The following TMEM63A variants were observed in gnomAD, a reference collection of about 807,000 sequenced individuals.
TMEM63A encodes transmembrane protein 63A.
A neutral mutation model predicts 100.6 loss-of-function variants in TMEM63A; 76 were observed. The observed-to-expected ratio is 0.76, with a 90% CI of 0.63 to 0.91. The LOEUF is 0.91. TMEM63A is among the 40% of genes least tolerant of loss of function. The pLI is 0.00. For synonymous variants in TMEM63A, 401 were observed against 401.1 expected, an observed-to-expected ratio of 1.00 and a Z score of 0.00; for missense variants, 876 against 1,008.8, an observed-to-expected ratio of 0.87 and a Z score of 1.78.
chr1:225,849,003 G>A lies in TMEM63A; in HGVS notation c.2081C>T (p.Ala694Val). Residue 694 changes from alanine to valine, a missense_variant, in exon 22 of 25, where the codon GCC becomes GTC. By Grantham distance (64) the Ala-to-Val change is moderately conservative. This residue lies in a region of TMEM63A where 339 missense variants were observed against 342.3 expected (regional missense o/e 0.99). Coordinates refer to ENST00000366835, the MANE Select transcript of TMEM63A (RefSeq NM_014698.3). ...FFSFLRLGMK[A>V]PATLFTFLVL... ...CAGGAAGGTGAACAGAGTGGCGGGG[G>A]CCTTCATACCTGGTGATAGAGGGTG... 6.8e-7 allele frequency: 1 copy of A among 1,473,210 alleles called. No homozygotes were observed. The allele number at this position is 1,473,210 out of a possible 1,614,324, so 91.3% of individuals were successfully genotyped here. A position where few individuals can be genotyped will look rare whatever the true frequency, so the allele number is the denominator to read the frequency against.
intron 5 of TMEM63A, chr1:225,871,768 G>T (rs1372118787): frequency 3.7e-6 from 2 of 540,964 alleles, no homozygotes. Context: ...AAGGGATTCC[G>T]TACCCCTTCC....
Position 225,864,649 on chromosome 1 carries a change from T to C in TMEM63A, c.746+1248A>G, listed in dbSNP as rs751791521. On this transcript the variant is annotated intron_variant, in intron 10 of 24. Coordinates refer to ENST00000366835, the MANE Select transcript of TMEM63A (RefSeq NM_014698.3). Reference sequence around the variant, plus strand: ...GATTCTGGTATTGAGTATTTACATATTAGTAAATATTTCTAAAATACTTAG... The same window carrying C: ...GATTCTGGTATTGAGTATTTACATACTAGTAAATATTTCTAAAATACTTAG... 6 of 152,366 alleles carry C rather than the reference T, an allele frequency of 3.9e-5. No individual in the cohort carries two copies. In the East Asian group the frequency reaches 9.6e-4, roughly 24 times the overall value. The allele number at this position is 152,366 out of a possible 1,614,324, so 9.4% of individuals were successfully genotyped here. A position where few individuals can be genotyped will look rare whatever the true frequency, so the allele number is the denominator to read the frequency against.
chr1:225,859,552 G>A, intron 14 of TMEM63A: 2 of 637,314 alleles, frequency 3.1e-6, no homozygotes, highest in Non-Finnish European at 2.6e-6. Flanking sequence ...TGGCTCCCCA[G>A]CTAAAGTCTG....
chr1:225,863,513 G>C (rs1377669480), intron 10 of TMEM63A, among the ~76,000 whole-genome samples: 2 of 152,236 alleles, frequency 1.3e-5, no homozygotes, highest in South Asian at 2.1e-4. Flanking sequence ...TATCTACCTT[G>C]AGCCATCACT....
chr1:225,843,608 C>G (rs1255170731), downstream of TMEM63A, among the ~76,000 whole-genome samples: 1 of 152,198 alleles, frequency 6.6e-6, no homozygotes, highest in African/African-American at 2.4e-5. Flanking sequence ...ACCAGACTAT[C>G]CCACTAGGCC....
chr1:225,868,008 A>G lies in TMEM63A; in HGVS notation c.394T>C (p.Cys132Arg). 6.2e-7 allele frequency: 1 copy of G among 1,614,102 alleles called. No homozygotes were observed. Among genetic ancestry groups the G allele is most frequent in the Non-Finnish European group, 8.5e-7 (1 of 1,180,012 alleles). ...AGGTAGTGGATGGCGTCCTCCCCAC[A>G]CCATTCCAGGATCTGGTCATCACTG... ...RLHDDQILEW[C>R]GEDAIHYLSF... The change falls in exon 7 of 25, where the codon TGT (cysteine) becomes CGT (arginine). Residue 132 changes from cysteine (C) to arginine (R), a missense_variant. Physicochemically the swap from Cys to Arg is radical, Grantham distance 180 (BLOSUM62 -3). Transcript: ENST00000366835.
chr1:225,858,631 T>C (rs990106885), intron 15 of TMEM63A, among the ~76,000 whole-genome samples: 26 of 152,216 alleles, frequency 1.7e-4, no homozygotes, highest in Non-Finnish European at 3.4e-4. Context: ...GGCCCCAAAA[T>C]AGTTTTATAA....
rs1670171503 is a variant in TMEM63A at position 225,865,764 on chromosome 1, G to T, written c.746+133C>A. 5.7e-6 allele frequency: 5 copies of T among 870,052 alleles called. No individual in the cohort carries two copies. Among genetic ancestry groups the T allele is most frequent in the African/African-American group, 1.7e-5 (1 of 59,860 alleles). 53.9% of individuals were successfully genotyped at this position (870,052 alleles called of 1,614,324 possible). ...CTCCATACACGTGTGGCAGGGCCAG[G>T]TCCTTCTCAGATCTCACCTGGATAC... On this transcript the variant is annotated intron_variant, in intron 10 of 24. Coordinates refer to ENST00000366835, the MANE Select transcript of TMEM63A (RefSeq NM_014698.3). The surrounding 1 kb of genome is among the most constrained non-coding windows in gnomAD (Gnocchi z 4.6).
At chr1:225,857,733 A>G (rs887425856) in intron 15 of TMEM63A, among the ~76,000 whole-genome samples, 3 of 152,232 alleles carry the variant, frequency 2.0e-5, no homozygotes, top group African/African-American at 7.2e-5. Flanking sequence ...TTTACTTTAA[A>G]GAAACCAACA....
Position 225,847,078 on chromosome 1 carries a change from C to T in TMEM63A, c.2386G>A (p.Ala796Thr), listed in dbSNP as rs754876677. The stretch of plus-strand genomic sequence containing the variant: ...GGGGCAGCAGCCACACTGCCCGTGG[C>T]GCTCTGCGCCAAGCACTGTCCAGGG... Reference protein sequence around the residue: ...TIPGQCLAQSATGSVAAAPQE... With the variant: ...TIPGQCLAQSTTGSVAAAPQE... Residue 796 changes from alanine (A) to threonine (T), a missense_variant, in exon 24 of 25, where the codon GCC (alanine) becomes ACC (threonine). Around this residue, in one of 5 missense-constraint regions of TMEM63A, gnomAD observed 339 missense variants for 342.3 expected, o/e 0.99. Transcript: ENST00000366835. The T allele has an allele frequency of 2.7e-5, 44 of 1,613,350 alleles. 1 individual carries two copies. Among genetic ancestry groups the T allele is most frequent in the Middle Eastern group, 3.3e-4 (2 of 6,022 alleles).
At chr1:225,848,667 A>G in intron 22 of TMEM63A, 113 bp from the exon 23 acceptor site, 1 of 1,177,712 alleles carries the variant, frequency 8.5e-7, no homozygotes, top group Non-Finnish European at 1.2e-6. Flanking sequence ...GCTGGCACCA[A>G]GCTCCCCAGC....
intron 16 of TMEM63A, 34 bp from the exon 17 acceptor site, chr1:225,856,772 C>T: frequency 6.2e-7 from 1 of 1,604,344 alleles, no homozygotes; most frequent in Non-Finnish European, 8.5e-7. Context: ...CTCGCAGTCC[C>T]CCAAATGCTC....
downstream of TMEM63A, chr1:225,842,485 G>A (rs1481910006): frequency 6.3e-6 from 10 of 1,588,128 alleles, no homozygotes; most frequent in African/African-American, 1.3e-5. Flanking sequence ...GTGAGGCCCT[G>A]GTTTGCCCCT....
chr1:225,864,795 A>G (rs1018978724), intron 10 of TMEM63A: 1 of 152,254 alleles, frequency 6.6e-6, no homozygotes, highest in African/African-American at 2.4e-5. Context: ...CTCCTAGTCC[A>G]TGCAACAAAT....
chr1:225,846,928 G>C lies in TMEM63A; in HGVS notation c.*11C>G, dbSNP rs1054687401. 2 of 1,310,910 alleles carry C rather than the reference G, an allele frequency of 1.5e-6. No homozygotes were observed. The highest frequency in any genetic ancestry group is 3.0e-5 in the African/African-American group (2 of 67,488). The allele number at this position is 1,310,910 out of a possible 1,614,324, so 81.2% of individuals were successfully genotyped here. On this transcript the variant is annotated 3_prime_UTR_variant, in exon 25 of 25. Transcript: ENST00000366835. ...TCTGGTTGTGTCTTTTCAGAGCAGT[G>C]AGACCTAAAACAGATGGGAAGAAGT... is the stretch of plus-strand genomic sequence containing the variant.
intron 5 of TMEM63A, chr1:225,871,676 G>T: frequency 2.7e-6 from 1 of 366,594 alleles, no homozygotes; most frequent in Non-Finnish European, 4.9e-6. Flanking sequence ...GCCCACATCT[G>T]GCTCATAATC....
Position 225,845,786 on chromosome 1 carries a change from A to AAGTC in TMEM63A, c.*1149_*1152dup. The AAGTC allele has an allele frequency of 3.7e-6, 1 of 271,148 alleles. No homozygotes were observed. Among genetic ancestry groups the AAGTC allele is most frequent in the Non-Finnish European group, 7.1e-6 (1 of 140,106 alleles). The allele number at this position is 271,148 out of a possible 1,614,324, so 16.8% of individuals were successfully genotyped here. ...CAGCACTGGCCACCACTGCGGGGGC[A>AAGTC]AGTCAGCGTCAAGAGAGTCCCTGAG... On this transcript the variant is annotated 3_prime_UTR_variant, in exon 25 of 25. Transcript: ENST00000366835.
chr1:225,871,748 G>A lies in TMEM63A; in HGVS notation c.333+239C>T, dbSNP rs1576109149. The A allele has an allele frequency of 5.8e-6, 3 of 520,100 alleles. No homozygotes were observed. In the East Asian group the frequency reaches 9.3e-5, roughly 16 times the overall value. The allele number at this position is 520,100 out of a possible 1,614,324, so 32.2% of individuals were successfully genotyped here. ...CATAGGTGTAAGAGAGAGAAGTGCT[G>A]GGGAAGCCCAAGGGATTCCGTACCC... On this transcript the variant is annotated intron_variant, in intron 5 of 24. Transcript: ENST00000366835.
chr1:225,845,209 A>G (rs1668854099), downstream of TMEM63A: 2 of 1,614,146 alleles, frequency 1.2e-6, no homozygotes, highest in East Asian at 4.5e-5. Flanking sequence ...ACACGCCTGA[A>G]AAGTGGGTGA....
Sources: gnomAD v4.1 joint callset for allele counts (sites outside exome capture counted in the v4.1 genomes callset) on GRCh38, gnomAD v4.1.1 for gene constraint, gnomAD v4.1.1 regional missense constraint, Gnocchi (gnomAD v3.1) non-coding constraint, MANE v1.5 for transcripts, NCBI Gene and HGNC (gene_info 2026-07-23, HGNC 2026-07-21) for gene names.